The following LUZP2 variants were observed in gnomAD, a reference collection of about 807,000 sequenced individuals.
LUZP2 encodes the protein leucine zipper protein 2.
A neutral mutation model predicts 51.6 loss-of-function variants in LUZP2; 52 were observed. The observed-to-expected ratio is 1.01, with a 90% CI of 0.81 to 1.27. LUZP2 has a LOEUF of 1.27. Among genes scored for constraint, LUZP2 ranks in the 50% most tolerant of loss-of-function variants. The pLI is 0.00. For synonymous variants in LUZP2, 154 were observed against 137.3 expected (o/e 1.12, Z -0.85); for missense variants, 436 against 395.4 (o/e 1.10, Z -0.87).
chr11:24,613,688 A>C (rs1472560804), intron 1 of LUZP2, among the ~76,000 whole-genome samples: 2 of 152,030 alleles, frequency 1.3e-5, no homozygotes, highest in Non-Finnish European at 2.9e-5. Context: ...GATGAACAAT[A>C]AGTACTAGTG....
chr11:24,519,128 T>C (rs906519309), intron 1 of LUZP2, among the ~76,000 whole-genome samples: 13 of 152,172 alleles, frequency 8.5e-5, no homozygotes, highest in Admixed American at 7.2e-4. Context: ...AGGATTCATG[T>C]TGAGGGATTG....
intron 1 of LUZP2, among the ~76,000 whole-genome samples, chr11:24,546,676 G>A (rs1431266524): frequency 6.6e-6 from 1 of 151,986 alleles, no homozygotes; most frequent in East Asian, 1.9e-4. Context: ...CAGTTTGCCA[G>A]TATTTTGTTG....
chr11:24,688,606 TC>T (rs1856969360), intron 1 of LUZP2, among the ~76,000 whole-genome samples: 1 of 152,126 alleles, frequency 6.6e-6, no homozygotes, highest in South Asian at 2.1e-4. Context: ...TTGATGGATC[TC>T]TTAAAATCTT....
At chr11:24,635,078 G>A (rs1292250404) in intron 1 of LUZP2, among the ~76,000 whole-genome samples, 1 of 151,934 alleles carries the variant, frequency 6.6e-6, no homozygotes, top group Non-Finnish European at 1.5e-5. Context: ...TATTTAATGG[G>A]TAAAATGTAC....
At chr11:25,005,860 C>A (rs895508788) in intron 9 of LUZP2, among the ~76,000 whole-genome samples, 3 of 152,066 alleles carry the variant, frequency 2.0e-5, no homozygotes, top group Non-Finnish European at 4.4e-5. Flanking sequence ...GACACATTCT[C>A]GAGAACTTGT....
At chr11:25,003,815 C>T (rs1565215338) in intron 9 of LUZP2, among the ~76,000 whole-genome samples, 1 of 152,140 alleles carries the variant, frequency 6.6e-6, no homozygotes, top group South Asian at 2.1e-4. Context: ...TCCCCATATT[C>T]ATGTAGATAA....
chr11:25,051,265 C>G (rs1858500965), intron 10 of LUZP2, among the ~76,000 whole-genome samples: 1 of 151,298 alleles, frequency 6.6e-6, no homozygotes, highest in Admixed American at 6.6e-5. Flanking sequence ...TGCAGTGAGC[C>G]GAGATGGCGC....
intron 4 of LUZP2, among the ~76,000 whole-genome samples, chr11:24,752,589 A>G (rs1031883826): frequency 4.6e-5 from 7 of 152,214 alleles, no homozygotes; most frequent in Non-Finnish European, 8.8e-5. Flanking sequence ...AGGCAGTGCA[A>G]CAAGGGGACA....
chr11:24,724,971 A>T (rs1286948726), intron 1 of LUZP2, among the ~76,000 whole-genome samples: 1 of 152,218 alleles, frequency 6.6e-6, no homozygotes, highest in African/African-American at 2.4e-5. Flanking sequence ...TTATAAAAAC[A>T]TACTGGCATA....
At chr11:24,573,166 T>C (rs1370403217) in intron 1 of LUZP2, among the ~76,000 whole-genome samples, 2 of 151,986 alleles carry the variant, frequency 1.3e-5, no homozygotes, top group Non-Finnish European at 2.9e-5. Context: ...GTAACAAGCA[T>C]TGGTATGTAG....
chr11:24,616,690 A>G (rs568501331), intron 1 of LUZP2, among the ~76,000 whole-genome samples: 3 of 152,320 alleles, frequency 2.0e-5, no homozygotes, highest in Admixed American at 1.3e-4. Context: ...AATACCACAC[A>G]TTATTTATTA....
intron 1 of LUZP2, among the ~76,000 whole-genome samples, chr11:24,660,760 G>A (rs1022490889): frequency 1.3e-5 from 2 of 152,016 alleles, no homozygotes; most frequent in African/African-American, 4.8e-5. Flanking sequence ...TAACCTGCTG[G>A]ATGCAATAGT....
chr11:25,043,560 G>GGATATATGTATCCAGGATATGTGA (rs1858146976), intron 9 of LUZP2, among the ~76,000 whole-genome samples: 1 of 149,418 alleles, frequency 6.7e-6, no homozygotes, highest in Non-Finnish European at 1.5e-5. Flanking sequence ...AGCTCTGCAA[G>GGATATATGTATCCAGGATATGTGA]GATATATGTA....
intron 5 of LUZP2, among the ~76,000 whole-genome samples, chr11:24,816,006 TAAAA>T (rs137926397): frequency 0.016 from 2,220 of 139,106 alleles, 28 homozygotes; most frequent in Non-Finnish European, 0.024. Flanking sequence ...CTTTTTTTTT[TAAAA>T]AAAAAAAAAA....
chr11:24,895,078 T>C (rs780298608), intron 5 of LUZP2, among the ~76,000 whole-genome samples: 5 of 152,208 alleles, frequency 3.3e-5, no homozygotes, highest in Non-Finnish European at 5.9e-5. Flanking sequence ...TTTAATCCCT[T>C]GAAAGTCAGT....
chr11:25,039,365 A>G (rs1222473001), intron 9 of LUZP2, among the ~76,000 whole-genome samples: 1 of 152,182 alleles, frequency 6.6e-6, no homozygotes, highest in African/African-American at 2.4e-5. Flanking sequence ...CACTGTGTAC[A>G]TGCACCTGTG....
chr11:25,012,495 T>C (rs553421723), intron 9 of LUZP2, among the ~76,000 whole-genome samples: 1 of 152,342 alleles, frequency 6.6e-6, no homozygotes, highest in African/African-American at 2.4e-5. Context: ...TTTGCCCTTC[T>C]GCTGGTGCTG....
At chr11:24,847,555 A>G (rs1425155093) in intron 5 of LUZP2, among the ~76,000 whole-genome samples, 1 of 152,126 alleles carries the variant, frequency 6.6e-6, no homozygotes, top group Non-Finnish European at 1.5e-5. Context: ...CTCAACACTC[A>G]TGGTCTTTAC....
chr11:24,854,081 T>C (rs192813067), intron 5 of LUZP2, among the ~76,000 whole-genome samples: 23 of 152,312 alleles, frequency 1.5e-4, no homozygotes, highest in Admixed American at 1.5e-3. Context: ...TGTCTCCCAC[T>C]CAGGAGTCAT....
Sources: allele counts gnomAD v4.1 joint callset (sites outside exome capture counted in the v4.1 genomes callset), GRCh38; gene constraint gnomAD v4.1.1; transcripts MANE v1.5; gene names NCBI Gene and HGNC (gene_info 2026-07-23, HGNC 2026-07-21).